PIGT: variants seen among roughly 807,000 people sequenced by gnomAD.
PIGT encodes GPI-anchor transamidase component PIGT.
In PIGT, 57 loss-of-function variants were observed where a neutral mutation model predicts 66.7. That is an observed-to-expected ratio of 0.86 (90% CI 0.69 to 1.07). PIGT has a LOEUF of 1.07. Ranked by LOEUF, PIGT falls within the 50% of genes least tolerant of loss-of-function variation. The pLI is 0.00. For missense variants in PIGT, 725 were observed against 740.4 expected, an observed-to-expected ratio of 0.98 and a Z score of 0.24; for synonymous variants, 362 against 320.5, an observed-to-expected ratio of 1.13 and a Z score of -1.38.
intron 8 of PIGT, chr20:45,421,140 T>A (rs187415924): frequency 3.5e-4 from 196 of 562,160 alleles, no homozygotes; most frequent in African/African-American, 3.4e-3. Context: ...AGGACCTGGA[T>A]TGGGTTCGAA....
chr20:45,420,404 A>G lies in PIGT; in HGVS notation c.842A>G (p.Tyr281Cys), dbSNP rs544841186. 1.2e-5 allele frequency: 19 copies of G among 1,613,544 alleles called. No individual in the cohort carries two copies. The highest frequency in any genetic ancestry group is 2.2e-5 in the South Asian group (2 of 91,022). Reference protein sequence around the residue: ...PCPLASESRVYVDITTYNQDN... With the variant: ...PCPLASESRVCVDITTYNQDN... ...CCCCTGGCTTCAGAGAGCCGAGTCT[A>G]TGTGGACATCACCACCTACAACCAG... Residue 281 changes from tyrosine (Y) to cysteine (C), a missense_variant, in exon 7 of 12, where the codon TAT becomes TGT. Coordinates refer to ENST00000279036, the MANE Select transcript of PIGT (RefSeq NM_015937.6).
intron 3 of PIGT, 93 bp downstream of exon 3, chr20:45,419,072 G>A: frequency 2.0e-6 from 3 of 1,524,358 alleles, no homozygotes; most frequent in Admixed American, 1.7e-5. Context: ...TCCTCAGCCT[G>A]GGCTAGATCC....
At chr20:45,416,370 A>G (rs766960682) in intron 1 of PIGT, 27 bp downstream of exon 1, 1 of 1,562,260 alleles carries the variant, frequency 6.4e-7, no homozygotes, top group Non-Finnish European at 8.7e-7. Context: ...TGACCAGGGA[A>G]AGATTTCCGT....
chr20:45,421,745 A>G (rs1568951126), intron 9 of PIGT, 162 bp downstream of exon 9: 2 of 623,460 alleles, frequency 3.2e-6, no homozygotes, highest in Non-Finnish European at 2.9e-6. Flanking sequence ...CGGGAGCCTC[A>G]CTGTGCCAGG....
At position 45,420,644 on chromosome 20, in the gene PIGT, C is replaced by T. The variant is rs148189867; in HGVS notation, c.984C>T (p.Asn328=). The T allele has an allele frequency of 2.5e-6, 4 of 1,613,722 alleles. No individual in the cohort carries two copies. In the African/African-American group the frequency reaches 5.3e-5, roughly 22 times the overall value. The change falls in exon 8 of 12, where the codon AAC becomes AAT. Residue 328 remains asparagine, a synonymous_variant. Transcript: ENST00000279036. ...YDLLDTAMIN[N]SRNLNIQLKW... is the part of the protein sequence containing the mutation. The stretch of plus-strand genomic sequence containing the variant: ...TGCTTGACACCGCCATGATCAACAA[C>T]TCTCGAAACCTCAACATCCAGCTCA...
intron 2 of PIGT, 68 bp from the exon 3 acceptor site, chr20:45,418,784 G>A: frequency 6.3e-7 from 1 of 1,590,520 alleles, no homozygotes; most frequent in Non-Finnish European, 8.6e-7. Context: ...TTAGCAGCCA[G>A]CTGTGGACTT....
chr20:45,423,509 A>G (rs1018926959), intron 9 of PIGT: 2 of 151,786 alleles, frequency 1.3e-5, no homozygotes, highest in Non-Finnish European at 1.5e-5. Context: ...TGTCACGAAA[A>G]AAAAAAAAGT....
chr20:45,424,391 AC>A lies in PIGT; in HGVS notation c.1400+15del. Reference sequence around the variant, plus strand: ...ATGGCTTCTATGTCAGGTGGGCTCCACCCCCACAGGCCACCTCTCATCCCCC... The same window carrying A: ...ATGGCTTCTATGTCAGGTGGGCTCCACCCCACAGGCCACCTCTCATCCCCC... On this transcript the variant is annotated intron_variant, in intron 10 of 11. Coordinates refer to ENST00000279036, the MANE Select transcript of PIGT (RefSeq NM_015937.6). 1 of 1,613,742 alleles carries A rather than the reference AC, an allele frequency of 6.2e-7. No individual in the cohort carries two copies. Among genetic ancestry groups the A allele is most frequent in the South Asian group, 1.1e-5 (1 of 91,070 alleles).
At chr20:45,425,143 CTTTCTTTCTTTCTTTCTTTCTT>C (rs1990641578) in intron 11 of PIGT, 12 of 16,052 alleles carry the variant, frequency 7.5e-4, no homozygotes, top group African/African-American at 2.0e-3. Flanking sequence ...CTTTCTTTCT[CTTTCTTTCTTTCTTTCTTTCTT>C]TCTTTCTTTC....
intron 1 of PIGT, 28 bp downstream of exon 1, chr20:45,416,371 A>T (rs1989971403): frequency 6.4e-7 from 1 of 1,558,276 alleles, no homozygotes; most frequent in African/African-American, 1.4e-5. Context: ...GACCAGGGAA[A>T]GATTTCCGTA....
At chr20:45,419,979 G>T (rs1389681968) in intron 5 of PIGT, 157 bp from the exon 6 acceptor site, 1 of 627,904 alleles carries the variant, frequency 1.6e-6, no homozygotes, top group African/African-American at 1.8e-5. Flanking sequence ...TGTCAGCACG[G>T]GGTCTGGCAC....
rs775698792 is a variant in PIGT, at chr20:45,425,811, T to C, written c.1722T>C (p.Gly574=). 2.5e-6 allele frequency: 4 copies of C among 1,613,496 alleles called. No individual in the cohort carries two copies. Among genetic ancestry groups the C allele is most frequent in the Non-Finnish European group, 3.4e-6 (4 of 1,179,768 alleles). ...CCAACCTTATCCGGCGCGCCCGAGG[T>C]GTCCCCCCACTCTGATTCTTGCCCT... ...RLANLIRRAR[G]VPPL The change falls in exon 12 of 12, where the codon GGT becomes GGC. Residue 574 remains glycine (G), a synonymous_variant. Transcript: ENST00000279036.
At chr20:45,416,475 G>C in intron 1 of PIGT, 42 bp from the exon 2 acceptor site, 1 of 1,597,692 alleles carries the variant, frequency 6.3e-7, no homozygotes, top group South Asian at 1.1e-5. Context: ...TGTGGACCCC[G>C]ACGAGGTGGG....
rs751362137 is a variant in PIGT, at chr20:45,421,429, C to T, written c.1080C>T (p.Gly360=). The stretch of plus-strand genomic sequence containing the variant: ...TGCATGCCCAGCGGTACGTGAGTGG[C>T]TATGGGCTGCAGAAGGGGGAGCTGA... ...PFLHAQRYVS[G]YGLQKGELST... The change falls in exon 9 of 12, where the codon GGC becomes GGT. Residue 360 remains glycine (G), a synonymous_variant. Transcript: ENST00000279036. 2 of 1,614,178 alleles carry T rather than the reference C, an allele frequency of 1.2e-6. No homozygotes were observed. Among genetic ancestry groups the T allele is most frequent in the Admixed American group, 3.3e-5 (2 of 60,028 alleles).
intron 2 of PIGT, chr20:45,418,126 T>C (rs775675149): frequency 2.6e-5 from 4 of 152,480 alleles, no homozygotes; most frequent in Non-Finnish European, 5.9e-5. Context: ...GATGTTTTTA[T>C]GAAATCCTAG....
intron 9 of PIGT, chr20:45,423,958 G>T (rs1368671414): frequency 2.1e-6 from 1 of 487,670 alleles, no homozygotes; most frequent in Non-Finnish European, 3.7e-6. Context: ...TGGTGCCCCA[G>T]TTGTAGTGAT....
At chr20:45,425,165 TTCTTTCTTTC>T (rs1211780200) in intron 11 of PIGT, 3 of 143,400 alleles carry the variant, frequency 2.1e-5, no homozygotes, top group Non-Finnish European at 3.0e-5. Context: ...CTTTCTTTCT[TTCTTTCTTTC>T]TTTCTTTCTT....
chr20:45,420,768 G>A (rs1490311435), intron 8 of PIGT, 75 bp downstream of exon 8: 37 of 1,450,642 alleles, frequency 2.6e-5, no homozygotes, highest in East Asian at 6.8e-5. Flanking sequence ...CGTCTTTGCC[G>A]TTAGATGATT....
Position 45,420,434 on chromosome 20 carries a change from C to T in PIGT, c.867+5C>T, listed in dbSNP as rs1189068273. On this transcript the variant is annotated splice_donor_5th_base_variant and intron_variant, in intron 7 of 11. Transcript: ENST00000279036. ...GACATCACCACCTACAACCAGGTAA[C>T]AAGGTCTCCAGCCACACACACAAAC... 1 of 1,612,310 alleles carries T rather than the reference C, an allele frequency of 6.2e-7. No individual in the cohort carries two copies. Among genetic ancestry groups the T allele is most frequent in the East Asian group, 2.2e-5 (1 of 44,828 alleles).
Sources: gnomAD v4.1 joint callset for allele counts on GRCh38, gnomAD v4.1.1 for gene constraint, MANE v1.5 for transcripts, NCBI Gene and HGNC (gene_info 2026-07-23, HGNC 2026-07-21) for gene names.